Variants in PTPRK observed in about 807,000 individuals in gnomAD.
PTPRK encodes the protein protein tyrosine phosphatase receptor type K, also known as receptor-type tyrosine-protein phosphatase kappa.
PTPRK carries 75 observed loss-of-function variants against 178.0 expected under a neutral mutation model. The ratio of observed to expected loss-of-function variants is 0.42; its 90% confidence interval spans 0.35 to 0.51. The LOEUF is 0.51. PTPRK is among the 20% of genes least tolerant of loss of function. The pLI is 0.02. For missense variants in PTPRK, 1,441 were observed against 1,797.8 expected (o/e 0.80, Z 3.59); for synonymous variants, 637 against 620.6 (o/e 1.03, Z -0.39).
At chr6:128,070,813 A>G (rs1225297865) in intron 11 of PTPRK, among the ~76,000 whole-genome samples, 2 of 151,610 alleles carry the variant, frequency 1.3e-5, no homozygotes, top group Non-Finnish European at 2.9e-5. Flanking sequence ...TTAAACGCCC[A>G]TTATCCTATT....
intron 13 of PTPRK, among the ~76,000 whole-genome samples, chr6:128,025,410 T>G (rs1244343378): frequency 1.3e-5 from 2 of 152,162 alleles, no homozygotes; most frequent in Non-Finnish European, 2.9e-5. Context: ...GTAAACACAT[T>G]TAAATCAAGA....
chr6:128,069,563 G>A (rs1459762328), intron 11 of PTPRK, among the ~76,000 whole-genome samples: 1 of 152,056 alleles, frequency 6.6e-6, no homozygotes, highest in Non-Finnish European at 1.5e-5. Flanking sequence ...TGCATGTCCT[G>A]TGGATACATC....
At chr6:128,398,150 G>T (rs1840577868) in intron 1 of PTPRK, among the ~76,000 whole-genome samples, 1 of 152,176 alleles carries the variant, frequency 6.6e-6, no homozygotes, top group Non-Finnish European at 1.5e-5. Flanking sequence ...GCGAGCAGCA[G>T]CTCAAGGGAA....
chr6:128,439,094 A>C (rs892390002), intron 1 of PTPRK, among the ~76,000 whole-genome samples: 1 of 152,124 alleles, frequency 6.6e-6, no homozygotes, highest in African/African-American at 2.4e-5. Context: ...AAAACGGAAA[A>C]ATTTCTTAGA....
intron 18 of PTPRK, 126 bp downstream of exon 18, chr6:127,995,336 A>AAGGAAAAGTGTACAGTTTGT (rs1777027222): frequency 6.4e-7 from 1 of 1,562,920 alleles, no homozygotes; most frequent in Admixed American, 1.7e-5. Flanking sequence ...GACGCAGAAC[A>AAGGAAAAGTGTACAGTTTGT]AGGAAAAGTG....
chr6:128,018,019 T>C (rs1779812037), intron 13 of PTPRK, among the ~76,000 whole-genome samples: 1 of 151,116 alleles, frequency 6.6e-6, no homozygotes, highest in South Asian at 2.1e-4. Context: ...CTAACACCTT[T>C]CCCTTAACTA....
chr6:128,271,539 T>C lies in PTPRK; in HGVS notation c.496-28937A>G, dbSNP rs150839723. On this transcript the variant is annotated intron_variant, in intron 3 of 29. Coordinates refer to ENST00000368226, the MANE Select transcript of PTPRK (RefSeq NM_002844.4). ...CCTGCTATTCTTTGATCTGGTTTTC[T>C]GGCAGAAGCAGCTATTAAGTACTCA... 1.5e-3 allele frequency among the ~76,000 whole-genome samples: 226 copies of C among 152,292 alleles called. 3 individuals are homozygous for C. The highest frequency in any genetic ancestry group is 4.8e-3 in the African/African-American group (199 of 41,562).
chr6:128,372,623 T>C (rs1362711847), intron 2 of PTPRK, among the ~76,000 whole-genome samples: 1 of 152,190 alleles, frequency 6.6e-6, no homozygotes, highest in Admixed American at 6.5e-5. Flanking sequence ...TTCCTATTAA[T>C]ACTTGATTTT....
intron 1 of PTPRK, among the ~76,000 whole-genome samples, chr6:128,498,449 C>T (rs977230295): frequency 5.3e-5 from 8 of 152,172 alleles, no homozygotes; most frequent in African/African-American, 1.7e-4. Context: ...GGCAAAGAGC[C>T]CTTCCTCTAC....
intron 7 of PTPRK, among the ~76,000 whole-genome samples, chr6:128,145,943 G>A (rs1330731973): frequency 6.6e-6 from 1 of 152,174 alleles, no homozygotes; most frequent in South Asian, 2.1e-4. Context: ...TTAGGGAACA[G>A]CAGCTATATT....
At chr6:128,443,986 G>C (rs1846622645) in intron 1 of PTPRK, among the ~76,000 whole-genome samples, 1 of 152,106 alleles carries the variant, frequency 6.6e-6, no homozygotes, top group South Asian at 2.1e-4. Flanking sequence ...ACGAGTAGCT[G>C]GGACTACAGG....
chr6:128,219,691 T>G (rs1306778476), intron 5 of PTPRK, among the ~76,000 whole-genome samples: 2 of 152,178 alleles, frequency 1.3e-5, no homozygotes, highest in African/African-American at 4.8e-5. Flanking sequence ...AACAGGAGAG[T>G]TAATGGGTCC....
chr6:128,177,909 C>A (rs1044504391), intron 7 of PTPRK, among the ~76,000 whole-genome samples: 6 of 151,720 alleles, frequency 4.0e-5, no homozygotes, highest in Non-Finnish European at 8.8e-5. Context: ...ACACAAACAA[C>A]TTTGATGATA....
intron 7 of PTPRK, among the ~76,000 whole-genome samples, chr6:128,105,183 G>A (rs915478930): frequency 6.6e-6 from 1 of 151,120 alleles, no homozygotes; most frequent in African/African-American, 2.4e-5. Flanking sequence ...GCCCAGGCTG[G>A]AGTGCAGTGG....
chr6:128,047,575 GCAGT>G (rs1254775037), intron 13 of PTPRK, among the ~76,000 whole-genome samples: 1 of 152,034 alleles, frequency 6.6e-6, no homozygotes, highest in Non-Finnish European at 1.5e-5. Context: ...CTATGGCAAG[GCAGT>G]CAAAGTGTTT....
chr6:128,485,884 G>A (rs1584931727), intron 1 of PTPRK, among the ~76,000 whole-genome samples: 1 of 152,156 alleles, frequency 6.6e-6, no homozygotes, highest in African/African-American at 2.4e-5. Context: ...CGTCTTTCTT[G>A]AGTGATAAAC....
intron 2 of PTPRK, among the ~76,000 whole-genome samples, chr6:128,345,800 T>G (rs1041452525): frequency 6.6e-6 from 1 of 152,176 alleles, no homozygotes; most frequent in Non-Finnish European, 1.5e-5. Context: ...ATTAAGGTGT[T>G]TAATGAAACC....
At chr6:128,245,569 C>T (rs1016336201) in intron 3 of PTPRK, among the ~76,000 whole-genome samples, 4 of 152,224 alleles carry the variant, frequency 2.6e-5, no homozygotes, top group Middle Eastern at 3.4e-3. Flanking sequence ...TCCAAGTTTA[C>T]CCTTTGTGAC....
intron 5 of PTPRK, among the ~76,000 whole-genome samples, chr6:128,229,700 C>T (rs1255480181): frequency 6.6e-6 from 1 of 151,862 alleles, no homozygotes; most frequent in Non-Finnish European, 1.5e-5. Context: ...AAATATGGGA[C>T]GATTTAAGAT....
Sources: gnomAD v4.1 joint callset for allele counts (sites outside exome capture counted in the v4.1 genomes callset) on GRCh38, gnomAD v4.1.1 for gene constraint, MANE v1.5 for transcripts, NCBI Gene and HGNC (gene_info 2026-07-23, HGNC 2026-07-21) for gene names.